Variants in GLMN observed in about 807,000 individuals in gnomAD.
The protein encoded by GLMN is glomulin.
Under a neutral mutation model 87.8 loss-of-function variants are expected in GLMN, and 75 were observed. The ratio of observed to expected loss-of-function variants is 0.85; its 90% CI spans 0.71 to 1.04. GLMN has a LOEUF of 1.04. Ranked by LOEUF, GLMN falls within the 50% of genes least tolerant of loss-of-function variation. The pLI, the probability that GLMN is intolerant of heterozygous loss-of-function variation, is 0.00. For synonymous variants in GLMN, 206 were observed against 221.6 expected, an observed-to-expected ratio of 0.93 and a Z score of 0.63; for missense variants, 588 against 658.8, an observed-to-expected ratio of 0.89 and a Z score of 1.18.
chr1:92,323,239 ATAT>A, the GLMN span, among the ~76,000 whole-genome samples: 6 of 151,646 alleles, frequency 4.0e-5, no homozygotes, highest in Non-Finnish European at 5.9e-5. Context: ...ATCAAAAAAT[ATAT>A]TATTAACAGA....
chr1:92,256,647 C>T (rs946316929), intron 16 of GLMN, among the ~76,000 whole-genome samples: 1 of 152,158 alleles, frequency 6.6e-6, no homozygotes. Flanking sequence ...GAACCAATGA[C>T]AAAAACCACA....
At chr1:92,331,261 T>A in the GLMN span, among the ~76,000 whole-genome samples, 1 of 152,240 alleles carries the variant, frequency 6.6e-6, no homozygotes, top group African/African-American at 2.4e-5. Flanking sequence ...CTTGTATTAA[T>A]GTGGTCAAGG....
the GLMN span, among the ~76,000 whole-genome samples, chr1:92,315,515 T>G: frequency 5.9e-5 from 9 of 152,214 alleles, no homozygotes; most frequent in African/African-American, 2.2e-4. Context: ...ATGCAGTATT[T>G]GCAAAGCGCA....
At chr1:92,263,865 C>A (rs1655308630) in intron 14 of GLMN, 133 bp from the exon 15 acceptor site, 1 of 679,962 alleles carries the variant, frequency 1.5e-6, no homozygotes. Context: ...TCCGTACTTT[C>A]ATTCACTTTC....
At chr1:92,317,121 T>A in the GLMN span, among the ~76,000 whole-genome samples, 2 of 152,202 alleles carry the variant, frequency 1.3e-5, no homozygotes, top group Non-Finnish European at 2.9e-5. Flanking sequence ...AGAAAGGGCT[T>A]GGCCTAATTC....
the GLMN span, among the ~76,000 whole-genome samples, chr1:92,325,075 G>A: frequency 1.3e-5 from 2 of 152,104 alleles, no homozygotes; most frequent in Non-Finnish European, 2.9e-5. Flanking sequence ...TTGGTACTCA[G>A]TAAATAGTAC....
At chr1:92,351,467 T>C in the GLMN span, among the ~76,000 whole-genome samples, 1 of 152,146 alleles carries the variant, frequency 6.6e-6, no homozygotes, top group Non-Finnish European at 1.5e-5. Context: ...CTTTTAATCA[T>C]GGTCACAGTA....
chr1:92,323,429 C>A, the GLMN span: 5 of 1,494,272 alleles, frequency 3.3e-6, no homozygotes, highest in Admixed American at 2.2e-5. Flanking sequence ...TATTTTATTT[C>A]TCTTTCATTC....
At chr1:92,255,722 A>G (rs1654138009) in intron 16 of GLMN, among the ~76,000 whole-genome samples, 1 of 152,222 alleles carries the variant, frequency 6.6e-6, no homozygotes, top group African/African-American at 2.4e-5. Flanking sequence ...AATGGGAACA[A>G]AGACACAACA....
the GLMN span, among the ~76,000 whole-genome samples, chr1:92,366,295 C>T: frequency 6.6e-6 from 1 of 152,088 alleles, no homozygotes; most frequent in African/African-American, 2.4e-5. Context: ...AGAGCCAGAC[C>T]ATGTCTCTTA....
the GLMN span, among the ~76,000 whole-genome samples, chr1:92,305,432 C>CAAAAAAAAAAAAAAAAAAAA: frequency 1.1e-3 from 58 of 52,674 alleles, 1 homozygote; most frequent in East Asian, 4.1e-3. Flanking sequence ...GGCTCCGTCT[C>CAAAAAAAAAAAAAAAAAAAA]AAAAAAAAAA....
At chr1:92,247,282 G>GTA (rs1652816296) in intron 17 of GLMN, 138 bp from the exon 18 acceptor site, 2 of 679,336 alleles carry the variant, frequency 2.9e-6, no homozygotes, top group Non-Finnish European at 5.3e-6. Context: ...ACAGCTCAGG[G>GTA]TATACTTAAG....
chr1:92,345,371 C>T, the GLMN span, among the ~76,000 whole-genome samples: 2 of 120,276 alleles, frequency 1.7e-5, no homozygotes, highest in Admixed American at 1.8e-4. Context: ...AGCAAGACCC[C>T]GTTTCTTTAA....
chr1:92,305,199 G>A, the GLMN span, among the ~76,000 whole-genome samples: 2 of 151,820 alleles, frequency 1.3e-5, no homozygotes, highest in Non-Finnish European at 2.9e-5. Flanking sequence ...TTGGGAGGCC[G>A]AGGCGGGCAG....
chr1:92,290,772 C>G (rs1448091673), intron 4 of GLMN, among the ~76,000 whole-genome samples: 2 of 152,214 alleles, frequency 1.3e-5, no homozygotes, highest in Admixed American at 6.5e-5. Flanking sequence ...ATAACTCATA[C>G]AGATGGAGCT....
the GLMN span, among the ~76,000 whole-genome samples, chr1:92,309,171 T>C: frequency 8.5e-5 from 13 of 152,060 alleles, no homozygotes; most frequent in South Asian, 2.1e-4. Context: ...GTGCCGGGCG[T>C]GGTGGCTTAC....
intron 3 of GLMN, among the ~76,000 whole-genome samples, chr1:92,292,725 T>G (rs1320236816): frequency 2.1e-5 from 3 of 140,994 alleles, no homozygotes; most frequent in Non-Finnish European, 3.1e-5. Context: ...ACCCCGTCTT[T>G]TCTTTTCTTT....
chr1:92,262,190 TA>T (rs1009284156), intron 16 of GLMN, among the ~76,000 whole-genome samples: 23 of 150,968 alleles, frequency 1.5e-4, no homozygotes, highest in Admixed American at 9.3e-4. Context: ...AATGAATTAC[TA>T]AAAAAAAACC....
chr1:92,250,213 A>G (rs1653280310), intron 16 of GLMN, among the ~76,000 whole-genome samples: 1 of 152,174 alleles, frequency 6.6e-6, no homozygotes, highest in African/African-American at 2.4e-5. Context: ...AAAAATAAAT[A>G]CTAGATATGG....
Sources: allele counts gnomAD v4.1 joint callset (sites outside exome capture counted in the v4.1 genomes callset), GRCh38; gene constraint gnomAD v4.1.1; transcripts MANE v1.5; gene names NCBI Gene and HGNC (gene_info 2026-07-23, HGNC 2026-07-21).